The following ANO6 variants were observed in gnomAD, a reference collection of about 807,000 sequenced individuals.
ANO6 encodes the protein anoctamin 6.
Under a neutral mutation model 117.5 loss-of-function variants are expected in ANO6, and 106 were observed. The ratio of observed to expected loss-of-function variants is 0.90; its 90% confidence interval spans 0.77 to 1.06. The LOEUF is 1.06. Ranked by LOEUF, ANO6 falls within the 50% of genes least tolerant of loss-of-function variation. The pLI, the probability that ANO6 is intolerant of heterozygous loss-of-function variation, is 0.00. For synonymous variants in ANO6, 367 were observed against 385.1 expected (o/e 0.95, Z 0.55); for missense variants, 955 against 1,121.1 (o/e 0.85, Z 2.12).
At chr12:45,248,096 T>A (rs1947851713) in intron 1 of ANO6, among the ~76,000 whole-genome samples, 1 of 152,216 alleles carries the variant, frequency 6.6e-6, no homozygotes, top group Non-Finnish European at 1.5e-5. Flanking sequence ...GATATAACAA[T>A]GAGTTAATGG....
chr12:45,424,654 T>C lies in ANO6; in HGVS notation c.2526+1592T>C, dbSNP rs527293672. On this transcript the variant is annotated intron_variant, in intron 19 of 19. Coordinates refer to ENST00000320560, the MANE Select transcript of ANO6 (RefSeq NM_001025356.3). Reference sequence around the variant, plus strand: ...GCCCGGCCTAGGTGATGGGCTTTAATAGGGCAGTGAGCAATAAGCACTCTT... The same window carrying C: ...GCCCGGCCTAGGTGATGGGCTTTAACAGGGCAGTGAGCAATAAGCACTCTT... Among the ~76,000 whole-genome samples, 16 of 152,168 alleles carry C rather than the reference T, an allele frequency of 1.1e-4. No individual in the cohort carries two copies. The East Asian group carries it at 2.5e-3, about 24-fold the overall frequency.
intron 1 of ANO6, among the ~76,000 whole-genome samples, chr12:45,289,580 G>A (rs113512888): frequency 9.2e-5 from 14 of 152,284 alleles, no homozygotes; most frequent in African/African-American, 3.1e-4. Context: ...AGATATTAAT[G>A]ACTATTTTCT....
intron 14 of ANO6, 39 bp from the exon 15 acceptor site, chr12:45,403,399 CA>C (rs767882242): frequency 6.4e-7 from 1 of 1,557,722 alleles, no homozygotes; most frequent in South Asian, 1.1e-5. Flanking sequence ...AAGTTAGATC[CA>C]TTGAATATTT....
At chr12:45,302,727 C>G (rs1292019559) in intron 2 of ANO6, among the ~76,000 whole-genome samples, 1 of 152,046 alleles carries the variant, frequency 6.6e-6, no homozygotes, top group African/African-American at 2.4e-5. Context: ...ATGCCTTGTG[C>G]AAAATATCCT....
chr12:45,292,955 G>C, intron 1 of ANO6: 11 of 1,551,216 alleles, frequency 7.1e-6, no homozygotes, highest in Non-Finnish European at 9.6e-6. Context: ...GTTCCTATTT[G>C]GTGAGTTGCT....
intron 1 of ANO6, among the ~76,000 whole-genome samples, chr12:45,297,757 A>G (rs1319643681): frequency 6.6e-6 from 1 of 152,216 alleles, no homozygotes; most frequent in Non-Finnish European, 1.5e-5. Flanking sequence ...GTGTTATATA[A>G]TTAATTCTAT....
chr12:45,253,007 C>G (rs1040448816), intron 1 of ANO6, among the ~76,000 whole-genome samples: 3 of 152,164 alleles, frequency 2.0e-5, no homozygotes, highest in Admixed American at 2.0e-4. Flanking sequence ...CAGAAATCAT[C>G]ACTGAATTTT....
chr12:45,328,474 G>A (rs975566964), intron 2 of ANO6, among the ~76,000 whole-genome samples: 10 of 151,958 alleles, frequency 6.6e-5, no homozygotes, highest in African/African-American at 1.5e-4. Context: ...TTTTTGCACC[G>A]TTTTGTTGGA....
At chr12:45,217,417 G>T (rs1430378500) in intron 1 of ANO6, among the ~76,000 whole-genome samples, 1 of 152,168 alleles carries the variant, frequency 6.6e-6, no homozygotes, top group African/African-American at 2.4e-5. Context: ...TAGGAGTTGG[G>T]TGTGGTTTTT....
In ANO6 at chr12:45,430,987, T is replaced by G; in HGVS notation, c.*1676T>G. ...AGGAAAACTCAGATTTTAGAGGCTTTTTACAATAAAGTAGCGTAACTCTAG... is the reference window on the plus strand; with the variant it reads ...AGGAAAACTCAGATTTTAGAGGCTTGTTACAATAAAGTAGCGTAACTCTAG... On this transcript the variant is annotated 3_prime_UTR_variant, in exon 20 of 20. Transcript: ENST00000320560. The G allele has an allele frequency of 1.0e-6, 1 of 985,416 alleles. No homozygotes were observed. Among genetic ancestry groups the G allele is most frequent in the Non-Finnish European group, 1.2e-6 (1 of 829,940 alleles). 61.0% of individuals were successfully genotyped at this position (985,416 alleles called of 1,614,324 possible).
rs551318899 is a variant in ANO6 at position 45,428,208 on chromosome 12, C to G, written c.2527-897C>G. Among the ~76,000 whole-genome samples the G allele has an allele frequency of 2.6e-4, 39 of 152,288 alleles. No homozygotes were observed. The South Asian group carries it at 7.0e-3, about 27-fold the overall frequency. ...ACAAAAACTGGAAACAACCTCAATG[C>G]CTGTTCATAGGGGAACAAATAAATT... On this transcript the variant is annotated intron_variant, in intron 19 of 19. Transcript: ENST00000320560.
At chr12:45,299,682 C>T (rs1328580944) in intron 1 of ANO6, among the ~76,000 whole-genome samples, 1 of 151,944 alleles carries the variant, frequency 6.6e-6, no homozygotes, top group African/African-American at 2.4e-5. Flanking sequence ...GAAAACGCTT[C>T]TCTACTAAAA....
intron 12 of ANO6, among the ~76,000 whole-genome samples, chr12:45,397,012 A>G (rs527562309): frequency 1.7e-3 from 252 of 152,338 alleles, no homozygotes; most frequent in South Asian, 7.9e-3. Context: ...ATTAAACTAA[A>G]GAGCTTCTGC....
chr12:45,230,428 T>C (rs1233701183), intron 1 of ANO6, among the ~76,000 whole-genome samples: 2 of 149,360 alleles, frequency 1.3e-5, no homozygotes, highest in Non-Finnish European at 3.0e-5. Context: ...TTAATATGTA[T>C]AAAATATTTA....
chr12:45,348,729 A>G (rs1453176106), intron 6 of ANO6, 98 bp downstream of exon 6: 7 of 899,304 alleles, frequency 7.8e-6, no homozygotes, highest in African/African-American at 3.3e-5. Flanking sequence ...TTTCTTCCTC[A>G]GTAAAATGAA....
intron 3 of ANO6, among the ~76,000 whole-genome samples, chr12:45,346,581 G>A (rs1306288841): frequency 6.6e-6 from 1 of 152,110 alleles, no homozygotes; most frequent in Non-Finnish European, 1.5e-5. Flanking sequence ...TCCAGTAATT[G>A]AACCATTTGA....
rs2137634002 is a variant in ANO6 at position 45,403,114 on chromosome 12, T to A, written c.1655T>A (p.Met552Lys). 1.2e-6 allele frequency: 2 copies of A among 1,614,048 alleles called. No individual in the cohort carries two copies. Among genetic ancestry groups the A allele is most frequent in the Non-Finnish European group, 1.7e-6 (2 of 1,179,948 alleles). Residue 552 changes from methionine (M) to lysine (K), a missense_variant, in exon 14 of 20, where the codon ATG becomes AAG. Met to Lys is a moderately conservative substitution (Grantham distance 95, BLOSUM62 -1). Transcript: ENST00000320560. Reference sequence around the variant, plus strand: ...ACTGATTATGAGAACAGCCTCACCATGAAGATGTTCTTATTCCAGTTTGTC... The same window carrying A: ...ACTGATTATGAGAACAGCCTCACCAAGAAGATGTTCTTATTCCAGTTTGTC... ...TQTDYENSLT[M>K]KMFLFQFVNY...
intron 1 of ANO6, among the ~76,000 whole-genome samples, chr12:45,277,846 T>C (rs982821480): frequency 2.6e-5 from 4 of 152,198 alleles, no homozygotes; most frequent in African/African-American, 4.8e-5. Context: ...GATTTTTTTC[T>C]TTGAACGCAG....
At chr12:45,382,287 C>T (rs768576833) in intron 10 of ANO6, among the ~76,000 whole-genome samples, 53 of 152,256 alleles carry the variant, frequency 3.5e-4, no homozygotes, top group Non-Finnish European at 6.0e-4. Context: ...TTCTTTCTAT[C>T]GGAAAAATAA....
Sources: allele counts gnomAD v4.1 joint callset (sites outside exome capture counted in the v4.1 genomes callset), GRCh38; gene constraint gnomAD v4.1.1; transcripts MANE v1.5; gene names NCBI Gene and HGNC (gene_info 2026-07-23, HGNC 2026-07-21).